The following HDX variants were observed in gnomAD, a reference collection of about 807,000 sequenced individuals.
HDX encodes highly divergent homeobox.
HDX carries 19 observed loss-of-function variants against 45.2 expected under a neutral mutation model. The observed-to-expected ratio is 0.42, with a 90% CI of 0.29 to 0.62. The LOEUF (loss-of-function observed/expected upper bound fraction) is 0.62, where lower values mean the gene tolerates loss of function less well. Ranked by LOEUF, HDX falls within the 20% of genes least tolerant of loss-of-function variation. The pLI is 0.20. For synonymous variants in HDX, 188 were observed against 172.8 expected, an observed-to-expected ratio of 1.09 and a Z score of -0.69; for missense variants, 532 against 493.9, an observed-to-expected ratio of 1.08 and a Z score of -0.73.
chrX:84,373,091 G>A, intron 5 of HDX, among the ~76,000 whole-genome samples: 1 of 111,280 alleles, frequency 9.0e-6, no homozygotes, highest in African/African-American at 3.3e-5. Flanking sequence ...TTTCAGAATA[G>A]ATTAAAACAA....
chrX:84,435,881 G>C (rs1165066076), intron 5 of HDX, among the ~76,000 whole-genome samples: 8 of 83,961 alleles, frequency 9.5e-5, no homozygotes, highest in Non-Finnish European at 1.6e-4. Flanking sequence ...GATTCCTCAG[G>C]GATCTAGAAC....
At chrX:84,443,367 A>G (rs1159552616) in intron 4 of HDX, among the ~76,000 whole-genome samples, 1 of 111,844 alleles carries the variant, frequency 8.9e-6, no homozygotes, top group Admixed American at 9.5e-5. Flanking sequence ...ATGATATTTC[A>G]ATTCCAAACT....
At chrX:84,441,569 A>G (rs1160465446) in intron 4 of HDX, among the ~76,000 whole-genome samples, 4 of 111,845 alleles carry the variant, frequency 3.6e-5, no homozygotes, top group African/African-American at 1.3e-4. Context: ...ACTGAAAAAG[A>G]AAAAGTAAAC....
At chrX:84,366,649 A>C (rs1310080853) in intron 5 of HDX, among the ~76,000 whole-genome samples, 1 of 111,302 alleles carries the variant, frequency 9.0e-6, no homozygotes, top group African/African-American at 3.3e-5. Context: ...AGACCAATGG[A>C]ACAGAACAGG....
chrX:84,351,920 G>A (rs903094648), intron 6 of HDX, among the ~76,000 whole-genome samples: 2 of 112,087 alleles, frequency 1.8e-5, no homozygotes, highest in Admixed American at 1.9e-4. Context: ...TTTTCAGAAA[G>A]ACCACTTTAT....
chrX:84,471,836 G>C (rs2040461069), intron 3 of HDX, among the ~76,000 whole-genome samples: 1 of 110,162 alleles, frequency 9.1e-6, no homozygotes, highest in South Asian at 3.8e-4. Context: ...ACAGGAGACA[G>C]GGAGAAAAAC....
rs934524435 is a variant in HDX, at chrX:84,379,195, T to C, written c.1306-17583A>G. ...ATTATATATATGATCAAATTTGATT[T>C]TATATATATATAATCAAACCTGGAA... On this transcript the variant is annotated intron_variant, in intron 5 of 10. Coordinates refer to ENST00000373177, the MANE Select transcript of HDX (RefSeq NM_001177479.2). Among the ~76,000 whole-genome samples the C allele has an allele frequency of 5.5e-5, 6 of 109,358 alleles. No homozygotes were observed. The East Asian group carries it at 1.7e-3, about 31-fold the overall frequency. The allele number at this position is 109,358 out of a possible 115,157, so 95.0% of individuals were successfully genotyped here. A position where few individuals can be genotyped will look rare whatever the true frequency, so the allele number is the denominator to read the frequency against.
chrX:84,444,667 T>C (rs1348293084), intron 4 of HDX, among the ~76,000 whole-genome samples: 1 of 111,423 alleles, frequency 9.0e-6, no homozygotes, highest in Non-Finnish European at 1.9e-5. Context: ...GAAATCTGCA[T>C]CTCATGGCTA....
rs971113443 is a variant in HDX at position 84,353,180 on chromosome X, T to C, written c.1452+8286A>G. ...TCAAAACTAGAAGGCACTAGAAAAA[T>C]GATTCAATGTATAAATACAATGCTA... On this transcript the variant is annotated intron_variant, in intron 6 of 10. Coordinates refer to ENST00000373177, the MANE Select transcript of HDX (RefSeq NM_001177479.2). 8.0e-5 allele frequency among the ~76,000 whole-genome samples: 9 copies of C among 111,858 alleles called. No homozygotes were observed. In the Admixed American group the frequency reaches 8.5e-4, roughly 11 times the overall value.
At chrX:84,486,053 T>C (rs2040782845) in intron 2 of HDX, among the ~76,000 whole-genome samples, 1 of 112,183 alleles carries the variant, frequency 8.9e-6, no homozygotes. Context: ...ACTGATATGG[T>C]TGGATATAGG....
At chrX:84,436,037 A>G (rs2039622592) in intron 5 of HDX, among the ~76,000 whole-genome samples, 3 of 89,612 alleles carry the variant, frequency 3.3e-5, no homozygotes, top group Non-Finnish European at 4.3e-5. Context: ...CCAAATGTCC[A>G]ACAATGATAG....
At chrX:84,480,781 T>C (rs193064345) in intron 2 of HDX, among the ~76,000 whole-genome samples, 1 of 111,038 alleles carries the variant, frequency 9.0e-6, no homozygotes, top group African/African-American at 3.3e-5. Context: ...TGGTTAAGAA[T>C]TTTTTAGTCT....
intron 3 of HDX, 144 bp from the exon 4 acceptor site, chrX:84,469,719 A>C (rs963113273): frequency 6.7e-5 from 32 of 480,799 alleles, no homozygotes; most frequent in Non-Finnish European, 9.5e-5. Context: ...ATAACAGAAA[A>C]ACTGACTAAA....
At chrX:84,434,962 G>A (rs2039588594) in intron 5 of HDX, among the ~76,000 whole-genome samples, 1 of 110,003 alleles carries the variant, frequency 9.1e-6, no homozygotes, top group Non-Finnish European at 1.9e-5. Flanking sequence ...GCATGTTGCT[G>A]TTCATAGTAG....
chrX:84,464,390 A>C (rs2040300174), intron 4 of HDX, among the ~76,000 whole-genome samples: 1 of 111,617 alleles, frequency 9.0e-6, no homozygotes, highest in Non-Finnish European at 1.9e-5. Flanking sequence ...CAAAAAGAAC[A>C]AGACTGGAGG....
chrX:84,382,595 G>A (rs952912029), intron 5 of HDX, among the ~76,000 whole-genome samples: 1 of 111,579 alleles, frequency 9.0e-6, no homozygotes, highest in Non-Finnish European at 1.9e-5. Flanking sequence ...GCCAGACACA[G>A]AAAGACAAAT....
At chrX:84,397,873 T>C (rs1409732748) in intron 5 of HDX, among the ~76,000 whole-genome samples, 1 of 111,330 alleles carries the variant, frequency 9.0e-6, no homozygotes, top group Admixed American at 9.6e-5. Flanking sequence ...TAAATGTTAT[T>C]GATTGAAGCA....
At chrX:84,417,883 T>G in intron 5 of HDX, among the ~76,000 whole-genome samples, 1 of 111,991 alleles carries the variant, frequency 8.9e-6, no homozygotes, top group Non-Finnish European at 1.9e-5. Flanking sequence ...GCCCTTTCTC[T>G]AACGAGAGAG....
chrX:84,334,189 T>TACAATTG (rs1177225029), intron 8 of HDX, among the ~76,000 whole-genome samples: 2 of 111,616 alleles, frequency 1.8e-5, no homozygotes, highest in African/African-American at 6.5e-5. Flanking sequence ...CGAGTAAACA[T>TACAATTG]ACAATTGATA....
Sources: gnomAD v4.1 joint callset for allele counts (sites outside exome capture counted in the v4.1 genomes callset) on GRCh38, gnomAD v4.1.1 for gene constraint, MANE v1.5 for transcripts, NCBI Gene and HGNC (gene_info 2026-07-23, HGNC 2026-07-21) for gene names.